Variants in BBS7 observed in about 807,000 individuals in gnomAD.
BBS7 encodes BBSome complex member BBS7.
BBS7 carries 50 observed loss-of-function variants against 90.3 expected under a neutral mutation model. That is an observed-to-expected ratio of 0.55 (90% CI 0.44 to 0.70). The LOEUF (loss-of-function observed/expected upper bound fraction) is 0.70, where lower values mean the gene tolerates loss of function less well. Among genes scored for constraint, BBS7 ranks in the 30% least tolerant of loss-of-function variants. BBS7 has a pLI of 0.00. For synonymous variants in BBS7, 235 were observed against 287.4 expected (o/e 0.82, Z 1.85); for missense variants, 729 against 838.9 (o/e 0.87, Z 1.62).
chr4:121,856,541 C>T (rs1468063622), intron 5 of BBS7, among the ~76,000 whole-genome samples: 2 of 151,802 alleles, frequency 1.3e-5, no homozygotes. Flanking sequence ...ATGGTGAAAC[C>T]GTCTCTACTA....
chr4:121,861,341 T>C, intron 4 of BBS7, 163 bp downstream of exon 4: 1 of 663,102 alleles, frequency 1.5e-6, no homozygotes, highest in Non-Finnish European at 2.4e-6. Context: ...AACAACCAAT[T>C]TAATATTGAT....
chr4:121,831,139 C>T (rs1361990309), intron 15 of BBS7, among the ~76,000 whole-genome samples: 1 of 151,930 alleles, frequency 6.6e-6, no homozygotes, highest in East Asian at 1.9e-4. Context: ...CAGGAGGTGG[C>T]GGTTGCAGTG....
Position 121,828,232 on chromosome 4 carries a change from A to G in BBS7, c.1928T>C (p.Ile643Thr). 1 of 1,613,860 alleles carries G rather than the reference A, an allele frequency of 6.2e-7. No individual in the cohort carries two copies. Among genetic ancestry groups the G allele is most frequent in the Non-Finnish European group, 8.5e-7 (1 of 1,179,840 alleles). ...QIHEGNTNFL[I>T]PEYHCILEEA... Reference sequence around the variant, plus strand: ...TTCTAGAATACAGTGATATTCTGGTATCAGAAAGTTCGTATTTCCCTCATG... The same window carrying G: ...TTCTAGAATACAGTGATATTCTGGTGTCAGAAAGTTCGTATTTCCCTCATG... Residue 643 changes from isoleucine to threonine, a missense_variant, in exon 18 of 19, where the codon ATA becomes ACA. Ile to Thr is a moderately conservative substitution (Grantham distance 89). Coordinates refer to ENST00000264499, the MANE Select transcript of BBS7 (RefSeq NM_176824.3).
chr4:121,858,887 T>C (rs1008169987), intron 5 of BBS7, 105 bp downstream of exon 5: 35 of 1,068,254 alleles, frequency 3.3e-5, no homozygotes, highest in Middle Eastern at 5.1e-4. Flanking sequence ...CACATGTTTA[T>C]AAAAGCCCTT....
intron 5 of BBS7, among the ~76,000 whole-genome samples, chr4:121,856,262 A>T (rs990430110): frequency 1.3e-5 from 2 of 152,196 alleles, no homozygotes; most frequent in African/African-American, 4.8e-5. Context: ...CTACTTAGAT[A>T]AAAAAACAAG....
chr4:121,852,392 C>G (rs1416436487), intron 8 of BBS7, among the ~76,000 whole-genome samples: 1 of 152,012 alleles, frequency 6.6e-6, no homozygotes, highest in Non-Finnish European at 1.5e-5. Flanking sequence ...ATTAAAGATT[C>G]AATTTATGCC....
At chr4:121,870,159 CG>C (rs959778018) in intron 1 of BBS7, 118 bp downstream of exon 1, 1 of 1,317,492 alleles carries the variant, frequency 7.6e-7, no homozygotes, top group African/African-American at 1.4e-5. Flanking sequence ...GCACCCAGCC[CG>C]GCTCCTTCGC....
chr4:121,854,791 T>A lies in BBS7; in HGVS notation c.631A>T (p.Thr211Ser). 1 of 1,612,572 alleles carries A rather than the reference T, an allele frequency of 6.2e-7. No individual in the cohort carries two copies. The highest frequency in any genetic ancestry group is 8.5e-7 in the Non-Finnish European group (1 of 1,179,052). The change falls in exon 7 of 19, where the codon ACA becomes TCA. Residue 211 changes from threonine (T) to serine (S), a missense_variant. Thr to Ser is a moderately conservative substitution (Grantham distance 58, BLOSUM62 1). Transcript: ENST00000264499. ...GDSGEDLLFG[T>S]SDGKLALIQI... ...ATAAGCGCAAGTTTTCCGTCTGATG[T>A]CCCAAACAAAAGGTCTTCTCCAGAG... is the stretch of plus-strand genomic sequence containing the variant.
At position 121,828,244 on chromosome 4, in the gene BBS7, G is replaced by T; in HGVS notation, c.1916C>A (p.Thr639Lys). ...LKELQIHEGNTNFLIPEYHCI... is the reference protein window; with the variant it reads ...LKELQIHEGNKNFLIPEYHCI... ...GTGATATTCTGGTATCAGAAAGTTC[G>T]TATTTCCCTCATGAATCTGTAATTC... Residue 639 changes from threonine to lysine, a missense_variant, in exon 18 of 19, where the codon ACG becomes AAG. Thr to Lys is a moderately conservative substitution (Grantham distance 78). Coordinates refer to ENST00000264499, the MANE Select transcript of BBS7 (RefSeq NM_176824.3). The T allele has an allele frequency of 6.2e-7, 1 of 1,613,646 alleles. No homozygotes were observed. Among genetic ancestry groups the T allele is most frequent in the Non-Finnish European group, 8.5e-7 (1 of 1,179,730 alleles).
In BBS7 at chr4:121,825,033, A is replaced by G. The variant is rs1724842274; in HGVS notation, c.*827T>C. The G allele has an allele frequency of 6.6e-6, 1 of 152,210 alleles. No individual in the cohort carries two copies. Among genetic ancestry groups the G allele is most frequent in the South Asian group, 2.1e-4 (1 of 4,834 alleles). The allele number at this position is 152,210 out of a possible 1,614,324, so 9.4% of individuals were successfully genotyped here. A position where few individuals can be genotyped will look rare whatever the true frequency, so the allele number is the denominator to read the frequency against. On this transcript the variant is annotated 3_prime_UTR_variant, in exon 19 of 19. Transcript: ENST00000264499. ...TATGATAAAAAGAGATCTAGAAGAT[A>G]CTAGTGTAGGAAAATCTAAGATGGC... is the stretch of plus-strand genomic sequence containing the variant.
chr4:121,860,690 A>G (rs557073132), intron 4 of BBS7, among the ~76,000 whole-genome samples: 1 of 152,308 alleles, frequency 6.6e-6, no homozygotes, highest in African/African-American at 2.4e-5. Context: ...TTGAAATTAC[A>G]TATTTCCACT....
At chr4:121,838,470 T>C (rs1403273307) in intron 13 of BBS7, among the ~76,000 whole-genome samples, 1 of 152,026 alleles carries the variant, frequency 6.6e-6, no homozygotes, top group Non-Finnish European at 1.5e-5. Context: ...AATCCCACTA[T>C]AAATAACTAA....
Position 121,828,383 on chromosome 4 carries a change from C to A in BBS7, c.1890+19G>T, listed in dbSNP as rs779382577. The A allele has an allele frequency of 6.2e-7, 1 of 1,602,474 alleles. No individual in the cohort carries two copies. Among genetic ancestry groups the A allele is most frequent in the South Asian group, 1.1e-5 (1 of 90,856 alleles). On this transcript the variant is annotated intron_variant, in intron 17 of 18. Coordinates refer to ENST00000264499, the MANE Select transcript of BBS7 (RefSeq NM_176824.3). ...ACTTCAAATAATAATCACCAGTCCA[C>A]GACGACACATGTACTTACTTTTAAA...
chr4:121,851,407 G>A (rs2149075549), intron 8 of BBS7, among the ~76,000 whole-genome samples: 2 of 132,750 alleles, frequency 1.5e-5, no homozygotes, highest in Admixed American at 7.7e-5. Flanking sequence ...AGGAAAAAAG[G>A]AAGGAAGGAG....
At chr4:121,854,588 G>T in intron 7 of BBS7, 116 bp downstream of exon 7, 2 of 949,590 alleles carry the variant, frequency 2.1e-6, no homozygotes, top group Admixed American at 5.9e-5. Flanking sequence ...ATAAATCAAG[G>T]TGTGAATTGC....
intron 15 of BBS7, among the ~76,000 whole-genome samples, chr4:121,829,430 G>T (rs1725068012): frequency 6.6e-6 from 1 of 152,076 alleles, no homozygotes; most frequent in African/African-American, 2.4e-5. Flanking sequence ...AGAGATGGGG[G>T]TCTCACCATG....
At chr4:121,868,980 G>A (rs1224769187) in intron 1 of BBS7, among the ~76,000 whole-genome samples, 5 of 152,158 alleles carry the variant, frequency 3.3e-5, no homozygotes, top group African/African-American at 1.2e-4. Flanking sequence ...TTGTATTTCT[G>A]AAACATCAAT....
chr4:121,855,491 C>T lies in BBS7; in HGVS notation c.599G>A (p.Gly200Asp). The stretch of plus-strand genomic sequence containing the variant: ...GTGAAAAATAAAATCCTGATTACCG[C>T]CATTTCCATTGTGTAGTGCTAAGAC... ...PTVLALHNGN[G>D]GDSGEDLLFG... Residue 200 changes from glycine to aspartate, a missense_variant and splice_region_variant, in exon 6 of 19, where the codon GGC (glycine) becomes GAC (aspartate). Coordinates refer to ENST00000264499, the MANE Select transcript of BBS7 (RefSeq NM_176824.3). 7 of 1,612,932 alleles carry T rather than the reference C, an allele frequency of 4.3e-6. No individual in the cohort carries two copies. Among genetic ancestry groups the T allele is most frequent in the Non-Finnish European group, 5.9e-6 (7 of 1,179,080 alleles).
At chr4:121,830,108 G>A (rs1237495459) in intron 15 of BBS7, among the ~76,000 whole-genome samples, 1 of 152,170 alleles carries the variant, frequency 6.6e-6, no homozygotes, top group Non-Finnish European at 1.5e-5. Flanking sequence ...ATATGCAAAT[G>A]ATAATTGCTT....
Sources: gnomAD v4.1 joint callset for allele counts (sites outside exome capture counted in the v4.1 genomes callset) on GRCh38, gnomAD v4.1.1 for gene constraint, MANE v1.5 for transcripts, NCBI Gene and HGNC (gene_info 2026-07-23, HGNC 2026-07-21) for gene names.